POU2AF1: variants seen among roughly 807,000 people sequenced by gnomAD.
The protein encoded by POU2AF1 is POU class 2 homeobox associating factor 1.
A neutral mutation model predicts 26.3 loss-of-function variants in POU2AF1; 12 were observed. That is an observed-to-expected ratio of 0.46 (90% CI 0.29 to 0.74). POU2AF1 has a LOEUF of 0.74. Among genes scored for constraint, POU2AF1 ranks in the 30% least tolerant of loss-of-function variants. The pLI is 0.09. For synonymous variants in POU2AF1, 175 were observed against 148.0 expected (o/e 1.18, Z -1.32); for missense variants, 297 against 334.5 (o/e 0.89, Z 0.87).
intron 1 of POU2AF1, among the ~76,000 whole-genome samples, chr11:111,369,806 A>C (rs947249701): frequency 2.6e-5 from 4 of 152,162 alleles, no homozygotes; most frequent in East Asian, 3.8e-4. Context: ...AGCAGAGGAA[A>C]GGGCTGTCTC....
chr11:111,362,705 G>A (rs573198105), intron 1 of POU2AF1, among the ~76,000 whole-genome samples: 1 of 152,282 alleles, frequency 6.6e-6, no homozygotes, highest in African/African-American at 2.4e-5. Context: ...TATTCCTTAG[G>A]CATAAAGTAC....
chr11:111,358,652 A>T, intron 2 of POU2AF1, 136 bp downstream of exon 2: 1 of 1,117,118 alleles, frequency 9.0e-7, no homozygotes, highest in Non-Finnish European at 1.3e-6. Flanking sequence ...TCACACTCTC[A>T]CACACTCTAT....
rs1189176412 is a variant in POU2AF1, at chr11:111,352,610, C to G, written c.*1651G>C. ...GGGCCTTGGTTCCACAGAATGGTGG[C>G]TTATGGACGCTTTTAAGACACTAAA... On this transcript the variant is annotated 3_prime_UTR_variant, in exon 5 of 5. Transcript: ENST00000393067. The G allele has an allele frequency of 5.6e-6, 1 of 179,004 alleles. No individual in the cohort carries two copies. The highest frequency in any genetic ancestry group is 1.2e-5 in the Non-Finnish European group (1 of 83,498). 11.1% of individuals were successfully genotyped at this position (179,004 alleles called of 1,614,324 possible). A position where few individuals can be genotyped will look rare whatever the true frequency, so the allele number is the denominator to read the frequency against.
At chr11:111,369,737 C>T (rs1452035271) in intron 1 of POU2AF1, among the ~76,000 whole-genome samples, 1 of 152,132 alleles carries the variant, frequency 6.6e-6, no homozygotes, top group Non-Finnish European at 1.5e-5. Context: ...TGAGGAGAGT[C>T]CACCTACCCC....
rs1860794460 is a variant in POU2AF1 at position 111,354,222 on chromosome 11, T to C, written c.*39A>G. On this transcript the variant is annotated 3_prime_UTR_variant, in exon 5 of 5. Coordinates refer to ENST00000393067, the MANE Select transcript of POU2AF1 (RefSeq NM_006235.3). The stretch of plus-strand genomic sequence containing the variant: ...GCTCAATTCCAGGCTCATTTTAAAA[T>C]CCCAGTTTCAGGGAACAGGACTCAG... The C allele has an allele frequency of 6.3e-7, 1 of 1,597,412 alleles. No homozygotes were observed. Among genetic ancestry groups the C allele is most frequent in the Non-Finnish European group, 8.5e-7 (1 of 1,172,516 alleles).
intron 1 of POU2AF1, chr11:111,363,326 A>C: frequency 9.8e-7 from 1 of 1,025,570 alleles, no homozygotes; most frequent in Non-Finnish European, 1.2e-6. Context: ...TGACTTTGCA[A>C]AGTGCTCATG....
chr11:111,360,352 G>C (rs181286143), intron 1 of POU2AF1, among the ~76,000 whole-genome samples: 1 of 152,310 alleles, frequency 6.6e-6, no homozygotes, highest in East Asian at 1.9e-4. Flanking sequence ...TGCCCTGGTT[G>C]AACTTTGCTC....
At chr11:111,373,293 T>C (rs995245713) in intron 1 of POU2AF1, among the ~76,000 whole-genome samples, 1 of 152,162 alleles carries the variant, frequency 6.6e-6, no homozygotes, top group Non-Finnish European at 1.5e-5. Context: ...TGCCCAAAGG[T>C]TTATTAGAAG....
chr11:111,374,718 G>A (rs954265669), intron 1 of POU2AF1, among the ~76,000 whole-genome samples: 1 of 152,082 alleles, frequency 6.6e-6, no homozygotes, highest in Non-Finnish European at 1.5e-5. Context: ...CTGAATCAAT[G>A]GAATCAACTT....
intron 1 of POU2AF1, among the ~76,000 whole-genome samples, chr11:111,364,506 T>C (rs1378094310): frequency 6.6e-6 from 1 of 152,190 alleles, no homozygotes; most frequent in Non-Finnish European, 1.5e-5. Context: ...AGCAAACACC[T>C]AGGGCCTGGT....
At chr11:111,361,304 T>G (rs541836576) in intron 1 of POU2AF1, among the ~76,000 whole-genome samples, 4 of 152,328 alleles carry the variant, frequency 2.6e-5, no homozygotes, top group African/African-American at 9.6e-5. Flanking sequence ...AGCCTGGTTC[T>G]GTGCCCCGGG....
intron 1 of POU2AF1, among the ~76,000 whole-genome samples, chr11:111,368,465 C>T (rs891430733): frequency 2.0e-5 from 3 of 152,050 alleles, no homozygotes; most frequent in African/African-American, 7.2e-5. Context: ...GTCCAGGGAA[C>T]TCAGATTCTA....
At chr11:111,358,305 CACTCTCTCACACACGT>C (rs1421910927) in intron 2 of POU2AF1, among the ~76,000 whole-genome samples, 1 of 151,368 alleles carries the variant, frequency 6.6e-6, no homozygotes, top group Non-Finnish European at 1.5e-5. Context: ...CAAACACACA[CACTCTCTCACACACGT>C]ACTCTCTCAC....
In POU2AF1 at chr11:111,379,193, G is replaced by A. The variant is rs1411681728; in HGVS notation, c.-16C>T. On this transcript the variant is annotated 5_prime_UTR_variant, in exon 1 of 5. Transcript: ENST00000393067. ...GCCAGAGCATGGCCTGTGACAGGAT[G>A]TTGCCTTTTCTCTTTGAAGCCGACA... is the stretch of plus-strand genomic sequence containing the variant. 2.8e-5 allele frequency: 46 copies of A among 1,614,044 alleles called. No individual in the cohort carries two copies. The highest frequency in any genetic ancestry group is 3.8e-5 in the Non-Finnish European group (45 of 1,179,996).
intron 1 of POU2AF1, among the ~76,000 whole-genome samples, chr11:111,364,895 T>G (rs571399454): frequency 1.2e-4 from 18 of 152,310 alleles, no homozygotes; most frequent in African/African-American, 4.1e-4. Context: ...CCATCTGATC[T>G]AGCATAGGAA....
At chr11:111,366,523 G>A (rs959240493) in intron 1 of POU2AF1, among the ~76,000 whole-genome samples, 8 of 152,184 alleles carry the variant, frequency 5.3e-5, no homozygotes, top group Non-Finnish European at 7.3e-5. Context: ...CTGACCTCAC[G>A]TTCTCTGGTC....
chr11:111,365,970 A>G (rs1861098222), intron 1 of POU2AF1, among the ~76,000 whole-genome samples: 1 of 152,216 alleles, frequency 6.6e-6, no homozygotes, highest in Non-Finnish European at 1.5e-5. Context: ...GATTATTCAC[A>G]TCTTTAACTG....
intron 4 of POU2AF1, 53 bp from the exon 5 acceptor site, chr11:111,354,628 A>G: frequency 7.0e-7 from 1 of 1,432,640 alleles, no homozygotes; most frequent in Non-Finnish European, 9.2e-7. Flanking sequence ...AGACCCATCC[A>G]CCCATCCTTG....
intron 1 of POU2AF1, among the ~76,000 whole-genome samples, chr11:111,366,163 T>C (rs561326568): frequency 6.6e-6 from 1 of 152,350 alleles, no homozygotes; most frequent in African/African-American, 2.4e-5. Flanking sequence ...CACTATATTT[T>C]AGTTGACCTT....
Sources: gnomAD v4.1 joint callset for allele counts (sites outside exome capture counted in the v4.1 genomes callset) on GRCh38, gnomAD v4.1.1 for gene constraint, MANE v1.5 for transcripts, NCBI Gene and HGNC (gene_info 2026-07-23, HGNC 2026-07-21) for gene names.